Variants in TMC4 observed in about 807,000 individuals in gnomAD.
The protein encoded by TMC4 is transmembrane channel like 4.
A neutral mutation model predicts 82.0 loss-of-function variants in TMC4; 70 were observed. The observed-to-expected ratio is 0.85, with a 90% CI of 0.70 to 1.04. The LOEUF (loss-of-function observed/expected upper bound fraction) is 1.04. Among genes scored for constraint, TMC4 ranks in the 50% least tolerant of loss-of-function variants. The probability of loss-of-function intolerance (pLI) is 0.00; values close to 1 mark genes in which losing one functional copy is unlikely to be tolerated. For synonymous variants in TMC4, 446 were observed against 406.0 expected, an observed-to-expected ratio of 1.10 and a Z score of -1.18; for missense variants, 879 against 899.0, an observed-to-expected ratio of 0.98 and a Z score of 0.28.
rs1346862933 is a variant in TMC4 at position 54,160,142 on chromosome 19, A to G, written c.*164T>C. 1.2e-5 allele frequency: 9 copies of G among 743,578 alleles called. No homozygotes were observed. In the African/African-American group the frequency reaches 1.4e-4, roughly 12 times the overall value. The allele number at this position is 743,578 out of a possible 1,614,324, so 46.1% of individuals were successfully genotyped here. A position where few individuals can be genotyped will look rare whatever the true frequency, so the allele number is the denominator to read the frequency against. On this transcript the variant is annotated 3_prime_UTR_variant, in exon 15 of 15. Coordinates refer to ENST00000619895, the MANE Select transcript of TMC4 (RefSeq NM_144686.4). ...TCGGCTGTATTTATTGATACAAGGA[A>G]GATCACCCGAGAGTCAGGGACGTGG...
intron 10 of TMC4, 101 bp from the exon 11 acceptor site, chr19:54,162,386 T>TGGGGGG (rs67618081): frequency 1.4e-5 from 5 of 351,628 alleles, no homozygotes; most frequent in Non-Finnish European, 2.4e-5. Context: ...TGCGTATTGG[T>TGGGGGG]GGTGGGGGGG....
intron 2 of TMC4, among the ~76,000 whole-genome samples, chr19:54,171,116 C>CATATACGCGTAT (rs1555826978): frequency 6.8e-5 from 10 of 147,366 alleles, no homozygotes; most frequent in East Asian, 6.2e-4. Context: ...TATATATACG[C>CATATACGCGTAT]ATATATATTT....
At position 54,164,471 on chromosome 19, in the gene TMC4, C is replaced by G. The variant is rs745808843; in HGVS notation, c.1076G>C (p.Gly359Ala). 1 of 1,613,942 alleles carries G rather than the reference C, an allele frequency of 6.2e-7. No homozygotes were observed. The highest frequency in any genetic ancestry group is 8.5e-7 in the Non-Finnish European group (1 of 1,179,988). Residue 359 changes from glycine (G) to alanine (A), a missense_variant, in exon 7 of 15, where the codon GGC (glycine) becomes GCC (alanine). Physicochemically the swap from Gly to Ala is moderately conservative, Grantham distance 60. Coordinates refer to ENST00000619895, the MANE Select transcript of TMC4 (RefSeq NM_144686.4). Reference sequence around the variant, plus strand: ...GGTGCACCCCGTAGCCCAGTAGACGCCATAGAAGGCTGCCCCCAGGAGCGC... The same window carrying G: ...GGTGCACCCCGTAGCCCAGTAGACGGCATAGAAGGCTGCCCCCAGGAGCGC... ...VVALLGAAFY[G>A]VYWATGCTVE... is the part of the protein sequence containing the mutation.
intron 9 of TMC4, 110 bp from the exon 10 acceptor site, chr19:54,162,880 T>TG (rs913968955): frequency 1.5e-4 from 231 of 1,516,150 alleles, no homozygotes; most frequent in Non-Finnish European, 2.0e-4. Flanking sequence ...ATACTTTCTC[T>TG]GGGGGTCCTC....
At chr19:54,162,536 G>A (rs1013761567) in intron 10 of TMC4, 137 bp downstream of exon 10, 4 of 770,620 alleles carry the variant, frequency 5.2e-6, no homozygotes, top group African/African-American at 1.7e-5. Context: ...GGAGCGGGGA[G>A]ATCTGCGGAC....
intron 5 of TMC4, among the ~76,000 whole-genome samples, chr19:54,166,719 C>T (rs559068382): frequency 1.2e-4 from 18 of 151,850 alleles, no homozygotes; most frequent in Non-Finnish European, 2.5e-4. Context: ...TTTGGGAGAC[C>T]GAGGCGGGTG....
rs759181893 is a variant in TMC4, at chr19:54,169,516, G to T, written c.438C>A (p.Ile146=). 1 of 1,558,978 alleles carries T rather than the reference G, an allele frequency of 6.4e-7. No homozygotes were observed. Among genetic ancestry groups the T allele is most frequent in the Non-Finnish European group, 8.7e-7 (1 of 1,148,038 alleles). Residue 146 remains isoleucine (I), a synonymous_variant, in exon 3 of 15, where the codon ATC becomes ATA. Coordinates refer to ENST00000619895, the MANE Select transcript of TMC4 (RefSeq NM_144686.4). The part of the protein sequence containing the change: ...LQPWAWTLKR[I]GGQFGAGTES... ...ACCACCCAAACCCCACCGCACCCCC[G>T]ATCCTCTTCAGTGTCCACGCCCAGG...
In TMC4 at chr19:54,168,302, G is replaced by T. The variant is rs768640097; in HGVS notation, c.676-10C>A. 1.3e-6 allele frequency: 2 copies of T among 1,550,408 alleles called. No homozygotes were observed. Among genetic ancestry groups the T allele is most frequent in the South Asian group, 2.4e-5 (2 of 83,964 alleles). On this transcript the variant is annotated splice_polypyrimidine_tract_variant and intron_variant, in intron 4 of 14. Coordinates refer to ENST00000619895, the MANE Select transcript of TMC4 (RefSeq NM_144686.4). ...ACCATTCCAGGTAACCCTGTGGGGGGAAGGCGGCGCAGGGGCCACTGTGGG... is the reference window on the plus strand; with the variant it reads ...ACCATTCCAGGTAACCCTGTGGGGGTAAGGCGGCGCAGGGGCCACTGTGGG...
At chr19:54,165,326 G>A (rs1334627504) in intron 6 of TMC4, 93 bp downstream of exon 6, 16 of 1,350,686 alleles carry the variant, frequency 1.2e-5, no homozygotes, top group Admixed American at 2.4e-5. Context: ...GCATCTCTCC[G>A]GAGGCCCCAT....
In TMC4 at chr19:54,164,534, A is replaced by C. The variant is rs565366367; in HGVS notation, c.1013T>G (p.Val338Gly). 2 of 1,613,468 alleles carry C rather than the reference A, an allele frequency of 1.2e-6. No individual in the cohort carries two copies. Among genetic ancestry groups the C allele is most frequent in the African/African-American group, 1.3e-5 (1 of 74,844 alleles). Residue 338 changes from valine to glycine, a missense_variant, in exon 7 of 15, where the codon GTT becomes GGT. Physicochemically the swap from Val to Gly is moderately radical, Grantham distance 109. Transcript: ENST00000619895. ...GTTGAGCAGCACCCGCACCAACCAA[A>C]CCCTGGCTTGCTGGCCCAGCGTCCG... ...AVRTLGQQAR[V>G]WLVRVLLNLL...
chr19:54,163,308 CTTTTTTT>C (rs35587690), intron 8 of TMC4, 149 bp from the exon 9 acceptor site: 859 of 591,914 alleles, frequency 1.5e-3, no homozygotes, highest in Middle Eastern at 2.0e-3. Flanking sequence ...TTCTTTCTTT[CTTTTTTT>C]TTTTTTTTTT....
At chr19:54,172,265 T>A (rs12973751) in intron 1 of TMC4, among the ~76,000 whole-genome samples, 182 bp from the exon 2 acceptor site, 69 of 3,668 alleles carry the variant, frequency 0.019, no homozygotes, top group Admixed American at 0.031. Context: ...GACCCAGGAG[T>A]CCAGGCCCCC....
chr19:54,163,269 GC>G, intron 8 of TMC4, 110 bp from the exon 9 acceptor site: 4 of 1,312,664 alleles, frequency 3.0e-6, no homozygotes, highest in Non-Finnish European at 3.1e-6. Flanking sequence ...TGAAGCTGAG[GC>G]CCAGTGACAG....
At chr19:54,170,714 C>G (rs112011591) in intron 2 of TMC4, among the ~76,000 whole-genome samples, 1 of 151,998 alleles carries the variant, frequency 6.6e-6, no homozygotes, top group Non-Finnish European at 1.5e-5. Context: ...CTCAATGCAG[C>G]CTCAAACTTC....
chr19:54,171,916 G>T lies in TMC4; in HGVS notation c.247C>A (p.Pro83Thr). The T allele has an allele frequency of 2.5e-6, 4 of 1,613,296 alleles. No individual in the cohort carries two copies. Among genetic ancestry groups the T allele is most frequent in the Non-Finnish European group, 3.4e-6 (4 of 1,179,560 alleles). ...ATGGGCCAGGGCAGTTCCCGGGAAG[G>T]GTGAGGGTCCTGCAGCTCTGTCTGG... ...VTQTELQDPH[P>T]SRELPWPMQA... The change falls in exon 2 of 15, where the codon CCT becomes ACT. Residue 83 changes from proline to threonine, a missense_variant. Pro to Thr is a conservative substitution (Grantham distance 38, BLOSUM62 -1). Transcript: ENST00000619895.
Position 54,163,058 on chromosome 19 carries a change from C to G in TMC4, c.1379G>C (p.Cys460Ser). The change falls in exon 9 of 15, where the codon TGT (cysteine) becomes TCT (serine). Residue 460 changes from cysteine (C) to serine (S), a missense_variant. By Grantham distance (112) the Cys-to-Ser change is moderately radical. Coordinates refer to ENST00000619895, the MANE Select transcript of TMC4 (RefSeq NM_144686.4). Reference sequence around the variant, plus strand: ...CGGAAGTTGTTTGTAATTGTAGCCACAGGTTTTGCAGTCCTCAGCCTCGGA... The same window carrying G: ...CGGAAGTTGTTTGTAATTGTAGCCAGAGGTTTTGCAGTCCTCAGCCTCGGA... ...GDSEAEDCKTCGYNYKQLPCW... is the reference protein window; with the variant it reads ...GDSEAEDCKTSGYNYKQLPCW... 1 of 1,614,170 alleles carries G rather than the reference C, an allele frequency of 6.2e-7. No individual in the cohort carries two copies. The highest frequency in any genetic ancestry group is 1.1e-5 in the South Asian group (1 of 91,082).
Position 54,160,365 on chromosome 19 carries a change from T to C in TMC4, c.2062A>G (p.Asn688Asp). 1 of 1,537,066 alleles carries C rather than the reference T, an allele frequency of 6.5e-7. No individual in the cohort carries two copies. The highest frequency in any genetic ancestry group is 8.8e-7 in the Non-Finnish European group (1 of 1,141,152). Residue 688 changes from asparagine to aspartate, a missense_variant, in exon 15 of 15, where the codon AAT becomes GAT. Coordinates refer to ENST00000619895, the MANE Select transcript of TMC4 (RefSeq NM_144686.4). Reference protein sequence around the residue: ...LKRQRETEAQNKVFLARRAVA... With the variant: ...LKRQRETEAQDKVFLARRAVA... Reference sequence around the variant, plus strand: ...GCGCGCCGTGCCAGGAAGACTTTATTCTGCGCCTCCTGGGGCAAAGAGAGG... The same window carrying C: ...GCGCGCCGTGCCAGGAAGACTTTATCCTGCGCCTCCTGGGGCAAAGAGAGG...
chr19:54,160,785 T>C, intron 13 of TMC4, 93 bp downstream of exon 13: 2 of 1,510,258 alleles, frequency 1.3e-6, no homozygotes, highest in Non-Finnish European at 1.8e-6. Flanking sequence ...CGTTGCCTGC[T>C]CCCACGCCCA....
chr19:54,165,318 A>C (rs1043605395), intron 6 of TMC4, 101 bp downstream of exon 6: 1 of 1,302,668 alleles, frequency 7.7e-7, no homozygotes, highest in Non-Finnish European at 1.0e-6. Flanking sequence ...GCTGCTTAGC[A>C]TCTCTCCGGA....
Sources: gnomAD v4.1 joint callset for allele counts (sites outside exome capture counted in the v4.1 genomes callset) on GRCh38, gnomAD v4.1.1 for gene constraint, MANE v1.5 for transcripts, NCBI Gene and HGNC (gene_info 2026-07-23, HGNC 2026-07-21) for gene names.